Variants in WDR7 observed in about 807,000 individuals in gnomAD.
WDR7 encodes the protein WD repeat domain 7.
WDR7 carries 46 observed loss-of-function variants against 169.4 expected under a neutral mutation model. The observed-to-expected ratio is 0.27, with a 90% confidence interval of 0.21 to 0.35. The LOEUF (loss-of-function observed/expected upper bound fraction) is 0.35, where lower values mean the gene tolerates loss of function less well. WDR7 is among the 10% of genes least tolerant of loss of function. WDR7 has a pLI of 1.00. For missense variants in WDR7, 1,534 were observed against 1,859.3 expected (o/e 0.83, Z 3.22); for synonymous variants, 612 against 666.8 (o/e 0.92, Z 1.27).
chr18:56,733,591 T>G (rs972438117), intron 14 of WDR7, among the ~76,000 whole-genome samples: 1 of 152,200 alleles, frequency 6.6e-6, no homozygotes, highest in African/African-American at 2.4e-5. Flanking sequence ...CAGGGCTATA[T>G]GGAAGTAACA....
intron 12 of WDR7, among the ~76,000 whole-genome samples, chr18:56,698,656 T>C (rs755355401): frequency 5.3e-5 from 8 of 152,112 alleles, no homozygotes; most frequent in Non-Finnish European, 1.0e-4. Flanking sequence ...AAAATGTTTT[T>C]GACTATTTGT....
intron 25 of WDR7, among the ~76,000 whole-genome samples, chr18:56,959,807 C>T (rs1225330411): frequency 6.6e-6 from 1 of 152,144 alleles, no homozygotes; most frequent in East Asian, 1.9e-4. Flanking sequence ...CATCTTGCTC[C>T]TTCGTCTTGA....
chr18:56,821,646 C>CT (rs2045098721), intron 20 of WDR7, among the ~76,000 whole-genome samples: 2 of 110,984 alleles, frequency 1.8e-5, no homozygotes, highest in Admixed American at 1.2e-4. Flanking sequence ...CTGCATACCC[C>CT]TCCTTTTTTT....
chr18:56,868,025 A>G (rs1176933826), intron 20 of WDR7, among the ~76,000 whole-genome samples: 1 of 152,126 alleles, frequency 6.6e-6, no homozygotes, highest in Admixed American at 6.6e-5. Flanking sequence ...AAAATTTGCC[A>G]AATAACAACT....
chr18:56,998,142 C>A (rs2047924767), intron 26 of WDR7, among the ~76,000 whole-genome samples: 1 of 152,044 alleles, frequency 6.6e-6, no homozygotes, highest in African/African-American at 2.4e-5. Flanking sequence ...GGTCATTTTT[C>A]AAAAGTTTGA....
intron 26 of WDR7, among the ~76,000 whole-genome samples, chr18:56,980,374 G>T (rs2047624465): frequency 6.6e-6 from 1 of 152,170 alleles, no homozygotes; most frequent in Admixed American, 6.5e-5. Context: ...GGAGCCGTGT[G>T]TAGAAGCCCA....
intron 1 of WDR7, among the ~76,000 whole-genome samples, chr18:56,656,575 C>T (rs985532946): frequency 8.1e-5 from 8 of 98,512 alleles, no homozygotes; most frequent in Admixed American, 3.0e-4. Context: ...CCACTGCGCC[C>T]GGCCACTATT....
chr18:56,811,236 A>C (rs541474666), intron 19 of WDR7, among the ~76,000 whole-genome samples: 1 of 152,266 alleles, frequency 6.6e-6, no homozygotes, highest in South Asian at 2.1e-4. Context: ...GCTGCTGTGA[A>C]TGTTCGTGTA....
chr18:56,740,506 G>A (rs916727551), intron 14 of WDR7, among the ~76,000 whole-genome samples: 2 of 152,114 alleles, frequency 1.3e-5, no homozygotes, highest in Non-Finnish European at 1.5e-5. Flanking sequence ...TTGTTCAAAT[G>A]ATATCCTCTT....
chr18:56,698,087 TAGG>T (rs935042698), intron 12 of WDR7, among the ~76,000 whole-genome samples: 2 of 151,884 alleles, frequency 1.3e-5, no homozygotes, highest in Admixed American at 1.3e-4. Flanking sequence ...CCCAGCTCCT[TAGG>T]AGGCTGAGGC....
At chr18:56,657,216 G>C (rs2024795669) in intron 1 of WDR7, among the ~76,000 whole-genome samples, 1 of 151,340 alleles carries the variant, frequency 6.6e-6, no homozygotes, top group African/African-American at 2.4e-5. Context: ...GGAGTGCAGT[G>C]GTGTGATCTC....
Position 57,028,359 on chromosome 18 carries a change from T to C in WDR7, c.*1152T>C, listed in dbSNP as rs2048399131. The C allele has an allele frequency of 6.6e-6, 1 of 152,244 alleles. No homozygotes were observed. Among genetic ancestry groups the C allele is most frequent in the Non-Finnish European group, 1.5e-5 (1 of 68,032 alleles). 9.4% of individuals were successfully genotyped at this position (152,244 alleles called of 1,614,324 possible). A position where few individuals can be genotyped will look rare whatever the true frequency, so the allele number is the denominator to read the frequency against. The stretch of plus-strand genomic sequence containing the variant: ...GTGTTCATTATGCTTCTAAGTAAGC[T>C]TTAACTAGACCACTTTCTTCTTATG... On this transcript the variant is annotated 3_prime_UTR_variant, in exon 28 of 28. Coordinates refer to ENST00000254442, the MANE Select transcript of WDR7 (RefSeq NM_015285.3).
chr18:56,798,345 C>G (rs1008766473), intron 19 of WDR7, among the ~76,000 whole-genome samples: 2 of 152,144 alleles, frequency 1.3e-5, no homozygotes, highest in African/African-American at 4.8e-5. Context: ...AGCTTTGAGA[C>G]TCATTTGACT....
intron 13 of WDR7, among the ~76,000 whole-genome samples, chr18:56,723,476 C>G (rs1202346768): frequency 6.6e-6 from 1 of 152,000 alleles, no homozygotes; most frequent in Non-Finnish European, 1.5e-5. Context: ...AGGCTATTTT[C>G]TCTAGGTATA....
At chr18:56,937,081 T>C (rs1160185392) in intron 23 of WDR7, among the ~76,000 whole-genome samples, 1 of 152,202 alleles carries the variant, frequency 6.6e-6, no homozygotes, top group Non-Finnish European at 1.5e-5. Flanking sequence ...GTCCTTGTAT[T>C]AATTGTGTTT....
At chr18:56,906,908 G>A (rs1192609808) in intron 21 of WDR7, among the ~76,000 whole-genome samples, 1 of 152,168 alleles carries the variant, frequency 6.6e-6, no homozygotes, top group Non-Finnish European at 1.5e-5. Flanking sequence ...ATTGGCACTG[G>A]CTGTCACACA....
chr18:56,708,098 A>C (rs904592285), intron 12 of WDR7, among the ~76,000 whole-genome samples: 5 of 137,408 alleles, frequency 3.6e-5, no homozygotes, highest in African/African-American at 1.1e-4. Context: ...CAGTGGCGCT[A>C]TCTCTTCTCA....
intron 26 of WDR7, among the ~76,000 whole-genome samples, chr18:56,986,703 G>A (rs2047725691): frequency 6.6e-6 from 1 of 151,850 alleles, no homozygotes; most frequent in Non-Finnish European, 1.5e-5. Flanking sequence ...TCCACTTGAT[G>A]TAAACAGAAC....
At chr18:56,665,992 C>T (rs766894753) in intron 1 of WDR7, among the ~76,000 whole-genome samples, 1 of 152,002 alleles carries the variant, frequency 6.6e-6, no homozygotes, top group Non-Finnish European at 1.5e-5. Context: ...CCATATTGAT[C>T]CGTCACTGGA....
Sources: gnomAD v4.1 joint callset for allele counts (sites outside exome capture counted in the v4.1 genomes callset) on GRCh38, gnomAD v4.1.1 for gene constraint, MANE v1.5 for transcripts, NCBI Gene and HGNC (gene_info 2026-07-23, HGNC 2026-07-21) for gene names.